Variants in JAZF1 observed in about 807,000 individuals in gnomAD.
JAZF1 encodes the protein juxtaposed with another zinc finger protein 1.
JAZF1 carries 8 observed loss-of-function variants against 26.4 expected under a neutral mutation model. That is an observed-to-expected ratio of 0.30 (90% CI 0.18 to 0.55). The LOEUF is 0.55. JAZF1 is among the 20% of genes least tolerant of loss of function. JAZF1 has a pLI of 0.94. For missense variants in JAZF1, 199 were observed against 322.0 expected (o/e 0.62, Z 2.92); for synonymous variants, 126 against 122.3 (o/e 1.03, Z -0.20).
intron 1 of JAZF1, among the ~76,000 whole-genome samples, chr7:28,044,956 GAGA>G (rs969801842): frequency 3.3e-5 from 5 of 152,122 alleles, no homozygotes; most frequent in Non-Finnish European, 5.9e-5. Flanking sequence ...AAAAGCAAAT[GAGA>G]AGGAGTTCAA....
At position 27,980,840 on chromosome 7, in the gene JAZF1, G is replaced by C. The variant is rs1403526894; in HGVS notation, c.188+11069C>G. Among the ~76,000 whole-genome samples the C allele has an allele frequency of 2.4e-4, 36 of 151,910 alleles. 1 individual carries two copies. ...TTACTATCATCTTGAATGCATACTG[G>C]CTTCATCTGAATTTTGATACTGCAT... On this transcript the variant is annotated intron_variant, in intron 2 of 4. Coordinates refer to ENST00000283928, the MANE Select transcript of JAZF1 (RefSeq NM_175061.4).
intron 2 of JAZF1, among the ~76,000 whole-genome samples, chr7:27,935,316 G>C (rs1013779362): frequency 6.6e-6 from 1 of 152,200 alleles, no homozygotes; most frequent in African/African-American, 2.4e-5. Context: ...TGTACCTCGA[G>C]TGAGAAATTA....
intron 2 of JAZF1, among the ~76,000 whole-genome samples, chr7:27,946,828 T>C (rs1784930672): frequency 6.6e-6 from 1 of 152,236 alleles, no homozygotes; most frequent in South Asian, 2.1e-4. Context: ...GGAAGGGTTT[T>C]GTTGTCTACG....
intron 1 of JAZF1, among the ~76,000 whole-genome samples, chr7:28,060,142 A>G (rs1469035622): frequency 6.6e-6 from 1 of 152,006 alleles, no homozygotes; most frequent in Non-Finnish European, 1.5e-5. Flanking sequence ...CAAGCTTTTA[A>G]TTTAAATTTC....
At chr7:27,918,074 A>G (rs1055076414) in intron 2 of JAZF1, among the ~76,000 whole-genome samples, 2 of 152,194 alleles carry the variant, frequency 1.3e-5, no homozygotes, top group Non-Finnish European at 2.9e-5. Flanking sequence ...CTATCAGACT[A>G]GGTTCCTGAG....
chr7:27,912,596 T>G (rs1784376151), intron 2 of JAZF1, among the ~76,000 whole-genome samples: 1 of 152,078 alleles, frequency 6.6e-6, no homozygotes, highest in Non-Finnish European at 1.5e-5. Flanking sequence ...TGAGAAAGGT[T>G]ATTAGAATGG....
chr7:28,078,059 C>T lies in JAZF1; in HGVS notation c.116-86078G>A, dbSNP rs146106369. Among the ~76,000 whole-genome samples, 77 of 152,222 alleles carry T rather than the reference C, an allele frequency of 5.1e-4. 3 individuals are homozygous for T. In the East Asian group the frequency reaches 0.013, roughly 26 times the overall value. ...CCCATCTTTATGGAACAGAAGAAAACATAAGTCTTGAAAGTTTTCACAAGA... is the reference window on the plus strand; with the variant it reads ...CCCATCTTTATGGAACAGAAGAAAATATAAGTCTTGAAAGTTTTCACAAGA... On this transcript the variant is annotated intron_variant, in intron 1 of 4. Coordinates refer to ENST00000283928, the MANE Select transcript of JAZF1 (RefSeq NM_175061.4).
chr7:28,025,255 T>C (rs150524425), intron 1 of JAZF1, among the ~76,000 whole-genome samples: 137 of 152,348 alleles, frequency 9.0e-4, no homozygotes, highest in Non-Finnish European at 1.7e-3. Context: ...TTTGTCCTCA[T>C]ACTTAACAAC....
chr7:27,896,002 C>T (rs1784057159), intron 2 of JAZF1, among the ~76,000 whole-genome samples: 1 of 152,176 alleles, frequency 6.6e-6, no homozygotes, highest in African/African-American at 2.4e-5. Flanking sequence ...TTCTAGTCCC[C>T]AGTTCCTAGC....
chr7:27,874,451 C>A (rs750305238), intron 3 of JAZF1, among the ~76,000 whole-genome samples: 2 of 152,122 alleles, frequency 1.3e-5, no homozygotes, highest in Admixed American at 6.5e-5. Context: ...CCTGGCCCAA[C>A]GAGAGCAGGA....
At chr7:27,998,672 G>C (rs1195806665) in intron 1 of JAZF1, among the ~76,000 whole-genome samples, 2 of 152,166 alleles carry the variant, frequency 1.3e-5, no homozygotes, top group Non-Finnish European at 2.9e-5. Flanking sequence ...AACTTTATGA[G>C]TTAAATATCT....
At chr7:27,845,477 T>C (rs1165778317) in intron 3 of JAZF1, among the ~76,000 whole-genome samples, 1 of 152,012 alleles carries the variant, frequency 6.6e-6, no homozygotes, top group Non-Finnish European at 1.5e-5. Context: ...GGCGGGTGGA[T>C]CACGAGGTCA....
chr7:28,043,303 A>G (rs1383484834), intron 1 of JAZF1, among the ~76,000 whole-genome samples: 1 of 152,122 alleles, frequency 6.6e-6, no homozygotes, highest in African/African-American at 2.4e-5. Flanking sequence ...AAGAATGCCA[A>G]CTGTTGTGAG....
rs1784310777 is a variant in JAZF1 at position 28,092,290 on chromosome 7, C to CCAAAAAAAAAAAAAAAAAAAAAAAAAA, written c.115+88172_115+88173insTTTTTTTTTTTTTTTTTTTTTTTTTTG. 1.3e-3 allele frequency among the ~76,000 whole-genome samples: 17 copies of CCAAAAAAAAAAAAAAAAAAAAAAAAAA among 12,802 alleles called. 1 individual carries two copies. The highest frequency in any genetic ancestry group is 3.2e-3 in the African/African-American group (15 of 4,646). 8.4% of individuals were successfully genotyped at this position (12,802 alleles called of 152,430 possible). ...AACATCCCATTTCAGGGACAAAAGGCAAAAAAAAAAAAAAAAAAAAAAAAA... is the reference window on the plus strand; with the variant it reads ...AACATCCCATTTCAGGGACAAAAGGCCAAAAAAAAAAAAAAAAAAAAAAAAAAAAAAAAAAAAAAAAAAAAAAAAAAA... On this transcript the variant is annotated intron_variant, in intron 1 of 4. Coordinates refer to ENST00000283928, the MANE Select transcript of JAZF1 (RefSeq NM_175061.4).
chr7:28,167,728 T>A (rs374633141), intron 1 of JAZF1, among the ~76,000 whole-genome samples: 2 of 152,230 alleles, frequency 1.3e-5, no homozygotes, highest in African/African-American at 4.8e-5. Flanking sequence ...ATGGTACTGA[T>A]AATAATCTTA....
intron 1 of JAZF1, among the ~76,000 whole-genome samples, chr7:28,101,589 A>G: frequency 6.7e-6 from 1 of 149,962 alleles, no homozygotes; most frequent in Non-Finnish European, 1.5e-5. Flanking sequence ...AAAAAAAAAA[A>G]AAAAAAAAGC....
intron 1 of JAZF1, among the ~76,000 whole-genome samples, chr7:28,039,139 AG>A (rs1252990948): frequency 6.6e-6 from 1 of 152,208 alleles, no homozygotes; most frequent in East Asian, 1.9e-4. Context: ...TAGCATCTTA[AG>A]GTTTAAAGAG....
intron 1 of JAZF1, among the ~76,000 whole-genome samples, chr7:28,177,725 C>G (rs950810538): frequency 2.2e-4 from 33 of 152,192 alleles, no homozygotes; most frequent in Non-Finnish European, 4.6e-4. Context: ...GTAAGTCAAT[C>G]ATTAACGGTC....
At chr7:28,025,289 C>T (rs550535366) in intron 1 of JAZF1, among the ~76,000 whole-genome samples, 27 of 152,326 alleles carry the variant, frequency 1.8e-4, no homozygotes, top group African/African-American at 6.0e-4. Context: ...CTTTATTCTA[C>T]TTTCTTCAAA....
Sources: allele counts gnomAD v4.1 joint callset (sites outside exome capture counted in the v4.1 genomes callset), GRCh38; gene constraint gnomAD v4.1.1; transcripts MANE v1.5; gene names NCBI Gene and HGNC (gene_info 2026-07-23, HGNC 2026-07-21).